Variants in ALDH3B1 observed in about 807,000 individuals in gnomAD.
The protein encoded by ALDH3B1 is aldehyde dehydrogenase family 3 member B1.
A neutral mutation model predicts 46.2 loss-of-function variants in ALDH3B1; 37 were observed. The ratio of observed to expected loss-of-function variants is 0.80; its 90% CI spans 0.62 to 1.05. ALDH3B1 has a LOEUF of 1.05. Ranked by LOEUF, ALDH3B1 falls within the 50% of genes least tolerant of loss-of-function variation. The probability of loss-of-function intolerance (pLI) is 0.00; values close to 1 mark genes in which losing one functional copy is unlikely to be tolerated. For synonymous variants in ALDH3B1, 283 were observed against 281.0 expected (o/e 1.01, Z -0.07); for missense variants, 603 against 665.5 (o/e 0.91, Z 1.03).
chr11:68,024,799 G>T (rs1857584205), intron 8 of ALDH3B1: 1 of 152,174 alleles, frequency 6.6e-6, no homozygotes. Context: ...TTCATCTCTT[G>T]AATTGTTTAT....
intron 8 of ALDH3B1, 89 bp downstream of exon 8, chr11:68,022,850 C>T: frequency 6.4e-7 from 1 of 1,555,968 alleles, no homozygotes; most frequent in Non-Finnish European, 8.7e-7. Context: ...AATCCAGTGG[C>T]TTCAGGACTT....
At chr11:68,020,875 T>C (rs1258781686) in intron 6 of ALDH3B1, among the ~76,000 whole-genome samples, 2 of 152,114 alleles carry the variant, frequency 1.3e-5, no homozygotes, top group African/African-American at 4.8e-5. Flanking sequence ...CAGACAGGGC[T>C]AGGGCAGAGA....
chr11:68,026,609 C>G (rs1163500688), intron 9 of ALDH3B1, among the ~76,000 whole-genome samples: 3 of 152,108 alleles, frequency 2.0e-5, no homozygotes, highest in Non-Finnish European at 2.9e-5. Context: ...GATGCCACTG[C>G]AGAGTCCTGG....
rs750074611 is a variant in ALDH3B1, at chr11:68,018,765, C to T, written c.274-8C>T. On this transcript the variant is annotated splice_region_variant and splice_polypyrimidine_tract_variant and intron_variant, in intron 3 of 9. Coordinates refer to ENST00000342456, the MANE Select transcript of ALDH3B1 (RefSeq NM_000694.4). Reference sequence around the variant, plus strand: ...AGCACTTAATTTCATCCCCGGCTCCCGGCCCAGGCCACGCAGCTGGACTCC... The same window carrying T: ...AGCACTTAATTTCATCCCCGGCTCCTGGCCCAGGCCACGCAGCTGGACTCC... The T allele has an allele frequency of 2.6e-5, 41 of 1,551,764 alleles. No individual in the cohort carries two copies. The highest frequency in any genetic ancestry group is 1.7e-4 in the Middle Eastern group (1 of 5,988).
intron 1 of ALDH3B1, among the ~76,000 whole-genome samples, chr11:68,010,887 C>T (rs576004591): frequency 6.6e-6 from 1 of 152,300 alleles, no homozygotes; most frequent in South Asian, 2.1e-4. Flanking sequence ...TTGTCAGGGT[C>T]CAAGAAAGGA....
chr11:68,012,809 G>A (rs905573908), intron 1 of ALDH3B1, among the ~76,000 whole-genome samples: 9 of 152,136 alleles, frequency 5.9e-5, no homozygotes, highest in African/African-American at 2.2e-4. Context: ...GGTGGGAGCT[G>A]AGGTGGATAG....
intron 3 of ALDH3B1, 54 bp from the exon 4 acceptor site, chr11:68,018,719 T>C (rs1009989026): frequency 8.4e-6 from 13 of 1,549,096 alleles, no homozygotes; most frequent in Non-Finnish European, 1.0e-5. Context: ...GGGAGCTGGC[T>C]GCTGAGGGGC....
chr11:68,025,894 C>G, intron 8 of ALDH3B1, 115 bp from the exon 9 acceptor site: 1 of 706,034 alleles, frequency 1.4e-6, no homozygotes, highest in South Asian at 2.4e-5. Flanking sequence ...ATGGTGGCCT[C>G]AGACCCTTTC....
chr11:68,023,292 C>T (rs1233380815), intron 8 of ALDH3B1, among the ~76,000 whole-genome samples: 27 of 150,498 alleles, frequency 1.8e-4, no homozygotes, highest in Non-Finnish European at 1.0e-4. Context: ...CCTCGATTCC[C>T]TCCACTTGAA....
At chr11:68,010,763 C>A (rs1857212980) in intron 1 of ALDH3B1, among the ~76,000 whole-genome samples, 1 of 152,240 alleles carries the variant, frequency 6.6e-6, no homozygotes, top group South Asian at 2.1e-4. Flanking sequence ...CCACAGGGGT[C>A]AAGTATCCCT....
intron 3 of ALDH3B1, 34 bp downstream of exon 3, chr11:68,018,671 CAG>C (rs1565135583): frequency 5.8e-6 from 9 of 1,552,580 alleles, no homozygotes; most frequent in Admixed American, 2.0e-5. Flanking sequence ...GCAGGGGGCT[CAG>C]GGGATATTTG....
At chr11:68,026,741 G>A (rs1590784240) in intron 9 of ALDH3B1, among the ~76,000 whole-genome samples, 1 of 152,328 alleles carries the variant, frequency 6.6e-6, no homozygotes, top group Non-Finnish European at 1.5e-5. Flanking sequence ...CCGAGCAGGT[G>A]ACAGGCAGTC....
chr11:68,028,035 G>T lies in ALDH3B1; in HGVS notation c.*96G>T. 1 of 1,504,658 alleles carries T rather than the reference G, an allele frequency of 6.6e-7. No homozygotes were observed. 93.2% of individuals were successfully genotyped at this position (1,504,658 alleles called of 1,614,324 possible). A position where few individuals can be genotyped will look rare whatever the true frequency, so the allele number is the denominator to read the frequency against. ...GGCTCCCGGGCCCGAGGAGGAAAAG[G>T]ATTGCCAAGGCTCCAGGGCACCCCT... On this transcript the variant is annotated 3_prime_UTR_variant, in exon 10 of 10. Transcript: ENST00000342456.
upstream of ALDH3B1, among the ~76,000 whole-genome samples, chr11:68,009,768 TCTTA>T (rs1228193162): frequency 8.5e-5 from 13 of 152,298 alleles, no homozygotes; most frequent in South Asian, 2.1e-4. Context: ...TGGCTATTTC[TCTTA>T]CTTCTGTTTT....
intron 6 of ALDH3B1, 99 bp downstream of exon 6, chr11:68,019,895 C>A: frequency 1.6e-6 from 2 of 1,283,676 alleles, no homozygotes; most frequent in Admixed American, 1.8e-5. Context: ...AGACTGAATT[C>A]TCCTCTCTCT....
chr11:68,015,676 T>A (rs1448934880), intron 2 of ALDH3B1: 1 of 718,118 alleles, frequency 1.4e-6, no homozygotes, highest in African/African-American at 1.7e-5. Context: ...TGCCAGGTAC[T>A]GTTCTAGGCT....
chr11:68,021,688 A>G lies in ALDH3B1; in HGVS notation c.766A>G (p.Met256Val). 1 of 1,613,916 alleles carries G rather than the reference A, an allele frequency of 6.2e-7. No individual in the cohort carries two copies. The highest frequency in any genetic ancestry group is 8.5e-7 in the Non-Finnish European group (1 of 1,179,962). The stretch of plus-strand genomic sequence containing the variant: ...CGACTACGTCCTATGCAGCCCTGAG[A>G]TGCAGGAGAGGCTGCTGCCTGCCCT... ...APDYVLCSPE[M>V]QERLLPALQS... Residue 256 changes from methionine to valine, a missense_variant, in exon 7 of 10, where the codon ATG (methionine) becomes GTG (valine). By Grantham distance (21) the Met-to-Val change is conservative. Transcript: ENST00000342456.
rs1036303747 is a variant in ALDH3B1 at position 68,027,905 on chromosome 11, T to C, written c.1373T>C (p.Met458Thr). The C allele has an allele frequency of 2.4e-5, 38 of 1,559,986 alleles. No individual in the cohort carries two copies. Among genetic ancestry groups the C allele is most frequent in the Non-Finnish European group, 3.2e-5 (37 of 1,156,464 alleles). ...PRRLRMLLVA[M>T]EAQGCSCTLL ...CGCCTGAGGATGCTGCTGGTGGCCATGGAGGCCCAAGGCTGCAGCTGCACA... is the reference window on the plus strand; with the variant it reads ...CGCCTGAGGATGCTGCTGGTGGCCACGGAGGCCCAAGGCTGCAGCTGCACA... The change falls in exon 10 of 10, where the codon ATG becomes ACG. Residue 458 changes from methionine to threonine, a missense_variant. Coordinates refer to ENST00000342456, the MANE Select transcript of ALDH3B1 (RefSeq NM_000694.4).
intron 6 of ALDH3B1, 57 bp downstream of exon 6, chr11:68,019,853 G>A: frequency 1.9e-6 from 3 of 1,546,588 alleles, no homozygotes; most frequent in Non-Finnish European, 2.7e-6. Flanking sequence ...GCTGCTCAGG[G>A]GTCCTGTCCC....
Sources: gnomAD v4.1 joint callset for allele counts (sites outside exome capture counted in the v4.1 genomes callset) on GRCh38, gnomAD v4.1.1 for gene constraint, MANE v1.5 for transcripts, NCBI Gene and HGNC (gene_info 2026-07-23, HGNC 2026-07-21) for gene names.